The following HCN1 variants were observed in gnomAD, a reference collection of about 807,000 sequenced individuals.
HCN1 encodes the protein hyperpolarization activated cyclic nucleotide gated potassium channel 1.
In HCN1, 13 loss-of-function variants were observed where a neutral mutation model predicts 78.9. The observed-to-expected ratio is 0.16, with a 90% CI of 0.11 to 0.26. The LOEUF (loss-of-function observed/expected upper bound fraction) is 0.26. Among genes scored for constraint, HCN1 ranks in the 10% least tolerant of loss-of-function variants. The probability of loss-of-function intolerance (pLI) is 1.00; values close to 1 mark genes in which losing one functional copy is unlikely to be tolerated. For missense variants in HCN1, 810 were observed against 1,154.3 expected, an observed-to-expected ratio of 0.70 and a Z score of 4.32; for synonymous variants, 552 against 455.5, an observed-to-expected ratio of 1.21 and a Z score of -2.70.
At chr5:45,275,937 C>A (rs144670140) in intron 6 of HCN1, among the ~76,000 whole-genome samples, 2 of 152,074 alleles carry the variant, frequency 1.3e-5, no homozygotes, top group African/African-American at 4.8e-5. Context: ...TAATCAAACA[C>A]CTTGAATTAT....
chr5:45,482,873 C>A (rs945557225), intron 2 of HCN1, among the ~76,000 whole-genome samples: 42 of 152,130 alleles, frequency 2.8e-4, no homozygotes, highest in African/African-American at 9.2e-4. Flanking sequence ...TTTTTCCATT[C>A]CTGTGTTAAT....
chr5:45,501,673 C>T (rs1000345578), intron 2 of HCN1, among the ~76,000 whole-genome samples: 6 of 152,026 alleles, frequency 3.9e-5, no homozygotes, highest in South Asian at 2.1e-4. Flanking sequence ...ACTCCTGACC[C>T]GGGAGATCCG....
At chr5:45,344,666 C>T (rs1237503896) in intron 5 of HCN1, among the ~76,000 whole-genome samples, 1 of 152,176 alleles carries the variant, frequency 6.6e-6, no homozygotes, top group Non-Finnish European at 1.5e-5. Context: ...TCCAAAATGA[C>T]CTCCTTTGAC....
intron 5 of HCN1, among the ~76,000 whole-genome samples, chr5:45,343,113 A>G (rs1476186205): frequency 6.6e-6 from 1 of 152,218 alleles, no homozygotes; most frequent in Non-Finnish European, 1.5e-5. Flanking sequence ...GTGAGAAATC[A>G]TAACTGATTT....
At chr5:45,338,276 T>G (rs531929468) in intron 5 of HCN1, among the ~76,000 whole-genome samples, 1 of 152,310 alleles carries the variant, frequency 6.6e-6, no homozygotes, top group Non-Finnish European at 1.5e-5. Flanking sequence ...CTCACTTTTA[T>G]AAGTTTCTGA....
intron 3 of HCN1, among the ~76,000 whole-genome samples, chr5:45,456,463 T>C (rs1741032228): frequency 6.6e-6 from 1 of 152,020 alleles, no homozygotes; most frequent in South Asian, 2.1e-4. Context: ...GTCTGCACTG[T>C]AGAATAGCAC....
rs1376323972 is a variant in HCN1, at chr5:45,315,139, T to C, written c.1378-11300A>G. Among the ~76,000 whole-genome samples, 3 of 152,126 alleles carry C rather than the reference T, an allele frequency of 2.0e-5. No homozygotes were observed. The East Asian group carries it at 5.8e-4, about 29-fold the overall frequency. ...CTTCTCAGCACCACATCACACTTAT[T>C]CCAAAATTGACAACATAGTTGGAAG... On this transcript the variant is annotated intron_variant, in intron 5 of 7. Transcript: ENST00000303230.
At chr5:45,336,050 CCAAA>C (rs913826299) in intron 5 of HCN1, among the ~76,000 whole-genome samples, 2 of 151,778 alleles carry the variant, frequency 1.3e-5, no homozygotes, top group African/African-American at 4.8e-5. Context: ...TTAAACTATC[CCAAA>C]CAATGAAGCT....
At chr5:45,435,308 G>A (rs1740541121) in intron 3 of HCN1, among the ~76,000 whole-genome samples, 1 of 152,008 alleles carries the variant, frequency 6.6e-6, no homozygotes, top group African/African-American at 2.4e-5. Flanking sequence ...ATCTCTTGCA[G>A]AACAGAATTA....
intron 2 of HCN1, among the ~76,000 whole-genome samples, chr5:45,474,897 G>A (rs1741480784): frequency 6.6e-6 from 1 of 151,798 alleles, no homozygotes; most frequent in African/African-American, 2.4e-5. Context: ...GAAAGAAAGG[G>A]AAAATGAATG....
At chr5:45,423,335 C>T (rs1041306131) in intron 3 of HCN1, among the ~76,000 whole-genome samples, 5 of 152,250 alleles carry the variant, frequency 3.3e-5, no homozygotes, top group Non-Finnish European at 5.9e-5. Flanking sequence ...CAAAAATCTC[C>T]TAAATCCATC....
chr5:45,638,415 T>C (rs975321761), intron 2 of HCN1, among the ~76,000 whole-genome samples: 26 of 152,126 alleles, frequency 1.7e-4, no homozygotes, highest in Admixed American at 1.7e-3. Context: ...AGGCTGAATG[T>C]TTTAATCTTA....
At chr5:45,566,794 G>A (rs1188155588) in intron 2 of HCN1, among the ~76,000 whole-genome samples, 1 of 152,158 alleles carries the variant, frequency 6.6e-6, no homozygotes, top group Non-Finnish European at 1.5e-5. Flanking sequence ...CTCCCTATGA[G>A]GAAAATGCCC....
chr5:45,370,651 A>C (rs1361628658), intron 4 of HCN1, among the ~76,000 whole-genome samples: 2 of 152,110 alleles, frequency 1.3e-5, no homozygotes, highest in Non-Finnish European at 1.5e-5. Context: ...AATATAATTT[A>C]TCATATATGT....
chr5:45,631,715 A>T (rs1745272290), intron 2 of HCN1, among the ~76,000 whole-genome samples: 1 of 152,286 alleles, frequency 6.6e-6, no homozygotes, highest in South Asian at 2.1e-4. Context: ...TGTAGGCTCA[A>T]GTCTGTAACA....
chr5:45,422,554 A>G (rs988776460), intron 3 of HCN1, among the ~76,000 whole-genome samples: 1 of 152,158 alleles, frequency 6.6e-6, no homozygotes, highest in Non-Finnish European at 1.5e-5. Flanking sequence ...TGAATTTTGG[A>G]AAGACACAAA....
At chr5:45,277,075 G>A (rs1426487249) in intron 6 of HCN1, among the ~76,000 whole-genome samples, 1 of 151,868 alleles carries the variant, frequency 6.6e-6, no homozygotes, top group Non-Finnish European at 1.5e-5. Context: ...ATTATTTTAG[G>A]GCTCTTCAGG....
At chr5:45,372,071 ATT>A (rs1747390701) in intron 4 of HCN1, among the ~76,000 whole-genome samples, 1 of 47,552 alleles carries the variant, frequency 2.1e-5, no homozygotes, top group Non-Finnish European at 3.0e-5. Flanking sequence ...TATATTATAT[ATT>A]ATATATAATA....
At chr5:45,679,454 C>T (rs1183186312) in intron 1 of HCN1, among the ~76,000 whole-genome samples, 1 of 152,018 alleles carries the variant, frequency 6.6e-6, no homozygotes, top group African/African-American at 2.4e-5. Flanking sequence ...AATCGTCCCC[C>T]AGCTAAATAA....
Sources: gnomAD v4.1 joint callset for allele counts (sites outside exome capture counted in the v4.1 genomes callset) on GRCh38, gnomAD v4.1.1 for gene constraint, MANE v1.5 for transcripts, NCBI Gene and HGNC (gene_info 2026-07-23, HGNC 2026-07-21) for gene names.